The following ZFR2 variants were observed in gnomAD, a reference collection of about 807,000 sequenced individuals.
ZFR2 encodes the protein zinc finger RNA binding protein 2.
A neutral mutation model predicts 105.7 loss-of-function variants in ZFR2; 104 were observed. The observed-to-expected ratio is 0.98, with a 90% confidence interval of 0.84 to 1.16. The LOEUF is 1.16. Ranked by LOEUF, ZFR2 falls within the 50% of genes most tolerant of loss-of-function variation. The pLI is 0.00. For missense variants in ZFR2, 1,425 were observed against 1,355.5 expected, an observed-to-expected ratio of 1.05 and a Z score of -0.80; for synonymous variants, 634 against 597.7, an observed-to-expected ratio of 1.06 and a Z score of -0.89.
At chr19:3,829,194 TCAGG>T in intron 5 of ZFR2, among the ~76,000 whole-genome samples, 1 of 152,144 alleles carries the variant, frequency 6.6e-6, no homozygotes, top group African/African-American at 2.4e-5. Context: ...ACTCCTGACC[TCAGG>T]CGATCCTCCC....
In ZFR2 at chr19:3,838,444, G is replaced by A. The variant is rs2038101660; in HGVS notation, c.54-3461C>T. 1.3e-5 allele frequency among the ~76,000 whole-genome samples: 2 copies of A among 152,294 alleles called. No individual in the cohort carries two copies. The highest frequency in any genetic ancestry group is 4.1e-4 in the South Asian group (2 of 4,824). Reference sequence around the variant, plus strand: ...AGAGGAAGGTGGAAGGTTCCATACGGGAGCTGGGGCAGAGCAGAGCTGGCC... The same window carrying A: ...AGAGGAAGGTGGAAGGTTCCATACGAGAGCTGGGGCAGAGCAGAGCTGGCC... On this transcript the variant is annotated intron_variant, in intron 1 of 18. Transcript: ENST00000262961. This position sits in a 1 kb window ranked among gnomAD's most constrained non-coding sequence, Gnocchi z 4.9.
rs2038163136 is a variant in ZFR2 at position 3,844,019 on chromosome 19, G to GGT, written c.54-9037_54-9036insAC. Among the ~76,000 whole-genome samples the GGT allele has an allele frequency of 1.8e-4, 4 of 22,380 alleles. No homozygotes were observed. The South Asian group carries it at 2.9e-3, about 16-fold the overall frequency. The allele number at this position is 22,380 out of a possible 152,430, so 14.7% of individuals were successfully genotyped here. ...AGAGACAGAAAGTAGGATGTGGGGGGGGGGGTGCCAGGGACCGGGGAGGGG... is the reference window on the plus strand; with the variant it reads ...AGAGACAGAAAGTAGGATGTGGGGGGGTGGGGGTGCCAGGGACCGGGGAGGGG... On this transcript the variant is annotated intron_variant, in intron 1 of 18. Transcript: ENST00000262961.
At chr19:3,860,349 T>G (rs2038359147) in intron 1 of ZFR2, among the ~76,000 whole-genome samples, 1 of 151,950 alleles carries the variant, frequency 6.6e-6, no homozygotes, top group Admixed American at 6.6e-5. Context: ...CGAAAGGATT[T>G]TATCACCCCA....
At chr19:3,849,475 C>T (rs1213736918) in intron 1 of ZFR2, among the ~76,000 whole-genome samples, 2 of 151,922 alleles carry the variant, frequency 1.3e-5, no homozygotes, top group African/African-American at 4.8e-5. Flanking sequence ...CCGTTCTGGG[C>T]CCTGCAGCGT....
rs572626450 is a variant in ZFR2 at position 3,816,549 on chromosome 19, T to A, written c.2103+125A>T. Reference sequence around the variant, plus strand: ...ACGTGAGCCACTGCGCCTGGCTTAATGCTTCTTGTACCTTAAAGTTGTGTA... The same window carrying A: ...ACGTGAGCCACTGCGCCTGGCTTAAAGCTTCTTGTACCTTAAAGTTGTGTA... On this transcript the variant is annotated intron_variant, in intron 13 of 18. Coordinates refer to ENST00000262961, the MANE Select transcript of ZFR2 (RefSeq NM_015174.2). The A allele has an allele frequency of 2.2e-6, 3 of 1,390,392 alleles. No individual in the cohort carries two copies. The African/African-American group carries it at 4.4e-5, about 20-fold the overall frequency. 86.1% of individuals were successfully genotyped at this position (1,390,392 alleles called of 1,614,324 possible).
At chr19:3,857,830 C>A in intron 1 of ZFR2, among the ~76,000 whole-genome samples, 1 of 152,040 alleles carries the variant, frequency 6.6e-6, no homozygotes, top group Non-Finnish European at 1.5e-5. Context: ...CACTGTACTA[C>A]ACCAGAGACA....
intron 9 of ZFR2, 74 bp from the exon 10 acceptor site, chr19:3,821,553 C>A: frequency 7.2e-7 from 1 of 1,382,252 alleles, no homozygotes; most frequent in Non-Finnish European, 9.6e-7. Flanking sequence ...TCTTGGGGTG[C>A]AGGGAGAGGC....
intron 1 of ZFR2, among the ~76,000 whole-genome samples, chr19:3,860,755 T>C (rs1352277973): frequency 6.6e-6 from 1 of 152,084 alleles, no homozygotes; most frequent in East Asian, 1.9e-4. Context: ...CAACACCTTT[T>C]TACTCTTGTG....
At chr19:3,810,446 G>A (rs879291056) in intron 16 of ZFR2, among the ~76,000 whole-genome samples, 13 of 152,226 alleles carry the variant, frequency 8.5e-5, no homozygotes, top group Non-Finnish European at 1.3e-4. Context: ...TCCGGCTTCC[G>A]CCCCTCTGCC....
intron 13 of ZFR2, among the ~76,000 whole-genome samples, chr19:3,816,332 G>A (rs909323860): frequency 1.4e-5 from 2 of 147,452 alleles, no homozygotes; most frequent in Non-Finnish European, 3.0e-5. Context: ...TGCAACCTCT[G>A]CCTCCGGGAT....
At chr19:3,846,252 C>T (rs59430956) in intron 1 of ZFR2, among the ~76,000 whole-genome samples, 24,977 of 152,260 alleles carry the variant, frequency 0.16, 2,918 homozygotes, top group African/African-American at 0.34. Flanking sequence ...GCTGGGATTA[C>T]AGGCGTGAGC....
intron 1 of ZFR2, among the ~76,000 whole-genome samples, chr19:3,847,548 G>T (rs1320283426): frequency 1.3e-5 from 2 of 151,970 alleles, no homozygotes; most frequent in Non-Finnish European, 2.9e-5. Flanking sequence ...AGTATTTTTT[G>T]AAAATAAGAA....
chr19:3,819,367 C>A, intron 11 of ZFR2, 132 bp from the exon 12 acceptor site: 1 of 949,006 alleles, frequency 1.1e-6, no homozygotes, highest in Non-Finnish European at 1.5e-6. Flanking sequence ...AGGTGAGAAT[C>A]CAGTGCACAC....
intron 1 of ZFR2, among the ~76,000 whole-genome samples, chr19:3,862,843 C>T (rs1032523063): frequency 6.6e-6 from 1 of 152,208 alleles, no homozygotes; most frequent in Non-Finnish European, 1.5e-5. Context: ...AAGACCGCAG[C>T]AACATGGGAG....
chr19:3,847,780 G>T (rs772465909), intron 1 of ZFR2, among the ~76,000 whole-genome samples: 1 of 152,106 alleles, frequency 6.6e-6, no homozygotes, highest in African/African-American at 2.4e-5. Context: ...GTGGCTTCTT[G>T]TCCTGCCTGA....
chr19:3,818,935 C>T (rs540971050), intron 12 of ZFR2, 110 bp downstream of exon 12: 226 of 1,366,982 alleles, frequency 1.7e-4, no homozygotes, highest in South Asian at 1.5e-3. Context: ...CGCGGGCCAC[C>T]GACGGCTCCA....
rs898642558 is a variant in ZFR2, at chr19:3,838,714, G to C, written c.54-3731C>G. On this transcript the variant is annotated intron_variant, in intron 1 of 18. Coordinates refer to ENST00000262961, the MANE Select transcript of ZFR2 (RefSeq NM_015174.2). The surrounding 1 kb of genome is among the most constrained non-coding windows in gnomAD (Gnocchi z 4.9). Reference sequence around the variant, plus strand: ...TGGCTGCTCAGTGACACCCTGGGACGAGCCCTCCTGGAGCCCCTGTGGCCT... The same window carrying C: ...TGGCTGCTCAGTGACACCCTGGGACCAGCCCTCCTGGAGCCCCTGTGGCCT... Among the ~76,000 whole-genome samples, 1 of 152,086 alleles carries C rather than the reference G, an allele frequency of 6.6e-6. No homozygotes were observed. The highest frequency in any genetic ancestry group is 6.5e-5 in the Admixed American group (1 of 15,272).
Position 3,813,167 on chromosome 19 carries a change from G to C in ZFR2, c.2242+653C>G, listed in dbSNP as rs1234600596. On this transcript the variant is annotated intron_variant, in intron 14 of 18. Transcript: ENST00000262961. The surrounding 1 kb of genome is among the most constrained non-coding windows in gnomAD (Gnocchi z 4.4). ...CTCAGTTATGACCAAAAAAGATTAC[G>C]AAGGGGGTAAAAGATGATAGGAGTT... Among the ~76,000 whole-genome samples, 1 of 152,222 alleles carries C rather than the reference G, an allele frequency of 6.6e-6. No homozygotes were observed. The highest frequency in any genetic ancestry group is 1.5e-5 in the Non-Finnish European group (1 of 68,040).
intron 6 of ZFR2, among the ~76,000 whole-genome samples, chr19:3,826,036 A>C (rs62132977): frequency 0.15 from 23,060 of 151,496 alleles, 2,109 homozygotes; most frequent in East Asian, 0.29. Context: ...CCCCAACCCC[A>C]CAACGGGCAG....
Sources: allele counts gnomAD v4.1 joint callset (sites outside exome capture counted in the v4.1 genomes callset), GRCh38; gene constraint gnomAD v4.1.1; non-coding constraint Gnocchi (gnomAD v3.1); transcripts MANE v1.5; gene names NCBI Gene and HGNC (gene_info 2026-07-23, HGNC 2026-07-21).